CFAP97D2: variants seen among roughly 807,000 people sequenced by gnomAD.
CFAP97D2 encodes the protein CFAP97 domain containing 2.
At chr13:114,199,399 C>T (rs1594517322) in intron 2 of CFAP97D2, among the ~76,000 whole-genome samples, 1 of 66,190 alleles carries the variant, frequency 1.5e-5, no homozygotes, top group East Asian at 3.4e-4. Context: ...CCCGTGGGTA[C>T]GGTCCCCGCC....
At chr13:114,195,488 A>G (rs1025995616) in intron 1 of CFAP97D2, among the ~76,000 whole-genome samples, 1 of 152,124 alleles carries the variant, frequency 6.6e-6, no homozygotes, top group Non-Finnish European at 1.5e-5. Context: ...GAGTTTCCCA[A>G]TGCTGTCGCC....
chr13:114,218,406 G>T (rs113108402), intron 4 of CFAP97D2, among the ~76,000 whole-genome samples: 9,931 of 152,224 alleles, frequency 0.065, 553 homozygotes, highest in African/African-American at 0.13. Context: ...AACATTCCAC[G>T]CTCATGGATA....
rs989918304 is a variant in CFAP97D2 at position 114,185,836 on chromosome 13, C to T, written c.90+6416C>T. ...GCAGAGGACAGCACAGTGCTGGCTG[C>T]GTGCCTCTTGGCATGAACAGCCTGC... On this transcript the variant is annotated intron_variant, in intron 1 of 4. Coordinates refer to ENST00000646158, the Ensembl canonical transcript of CFAP97D2. This position sits in a 1 kb window ranked among gnomAD's most constrained non-coding sequence, Gnocchi z 5.2. Among the ~76,000 whole-genome samples the T allele has an allele frequency of 5.3e-5, 8 of 152,200 alleles. No homozygotes were observed. Among genetic ancestry groups the T allele is most frequent in the South Asian group, 2.1e-4 (1 of 4,834 alleles).
chr13:114,209,479 A>G (rs2080956955), intron 3 of CFAP97D2, among the ~76,000 whole-genome samples: 1 of 152,220 alleles, frequency 6.6e-6, no homozygotes, highest in African/African-American at 2.4e-5. Context: ...CTGGTATGTG[A>G]AAAGAAATCT....
rs2080883879 is a variant in CFAP97D2, at chr13:114,195,753, G to C, written c.91-643G>C. Among the ~76,000 whole-genome samples, 6 of 152,280 alleles carry C rather than the reference G, an allele frequency of 3.9e-5. No homozygotes were observed. In the South Asian group the frequency reaches 1.2e-3, roughly 32 times the overall value. On this transcript the variant is annotated intron_variant, in intron 1 of 4. Coordinates refer to ENST00000646158, the Ensembl canonical transcript of CFAP97D2. ...GCTTGGAAATTAAAGTGAGGTGGAT[G>C]CAGGGACATAACTCACTGTATAAAA...
intron 4 of CFAP97D2, among the ~76,000 whole-genome samples, chr13:114,219,925 G>A (rs1224705723): frequency 6.6e-6 from 1 of 151,918 alleles, no homozygotes; most frequent in African/African-American, 2.4e-5. Context: ...CCCCTTCTCT[G>A]CCATGGGGTC....
At chr13:114,204,572 A>G (rs948897150) in intron 3 of CFAP97D2, among the ~76,000 whole-genome samples, 7 of 152,236 alleles carry the variant, frequency 4.6e-5, no homozygotes, top group Non-Finnish European at 8.8e-5. Context: ...GGCCAAGACC[A>G]TTCAGTGAGG....
intron 2 of CFAP97D2, among the ~76,000 whole-genome samples, chr13:114,196,913 A>AG (rs1298138859): frequency 6.6e-6 from 1 of 152,234 alleles, no homozygotes; most frequent in African/African-American, 2.4e-5. Flanking sequence ...GAGTGGGAGC[A>AG]GGGGTACTTC....
intron 1 of CFAP97D2, among the ~76,000 whole-genome samples, chr13:114,181,231 G>T (rs1179877649): frequency 1.3e-5 from 2 of 152,222 alleles, no homozygotes; most frequent in Non-Finnish European, 2.9e-5. Flanking sequence ...AGGAACTGCT[G>T]TTGGGCACAG....
intron 1 of CFAP97D2, among the ~76,000 whole-genome samples, chr13:114,193,158 C>T (rs1040708577): frequency 2.6e-5 from 4 of 151,624 alleles, no homozygotes; most frequent in Non-Finnish European, 4.4e-5. Context: ...AAATATTTTA[C>T]AATAGATATT....
rs2080855718 is a variant in CFAP97D2 at position 114,187,318 on chromosome 13, T to C, written c.90+7898T>C. 6.6e-6 allele frequency among the ~76,000 whole-genome samples: 1 copy of C among 151,526 alleles called. No homozygotes were observed. The highest frequency in any genetic ancestry group is 2.4e-5 in the African/African-American group (1 of 41,174). On this transcript the variant is annotated intron_variant, in intron 1 of 4. Transcript: ENST00000646158. The surrounding 1 kb of genome is among the most constrained non-coding windows in gnomAD (Gnocchi z 4.2). ...TAGTAACAAATATGATAGCTATTTA[T>C]CCAACTATATTAATCACTTTGTAAG...
chr13:114,194,256 G>T (rs1256750314), intron 1 of CFAP97D2, among the ~76,000 whole-genome samples: 1 of 152,062 alleles, frequency 6.6e-6, no homozygotes, highest in East Asian at 1.9e-4. Context: ...GCAAAAATTT[G>T]TACCTGCCAA....
At chr13:114,197,873 T>C (rs764288226) in intron 2 of CFAP97D2, among the ~76,000 whole-genome samples, 2 of 152,156 alleles carry the variant, frequency 1.3e-5, no homozygotes, top group Non-Finnish European at 2.9e-5. Flanking sequence ...TTAGTAGTGA[T>C]GGGGTTTCAC....
chr13:114,216,347 T>C (rs1355943499), intron 4 of CFAP97D2, among the ~76,000 whole-genome samples: 1 of 152,180 alleles, frequency 6.6e-6, no homozygotes, highest in Non-Finnish European at 1.5e-5. Context: ...ATGTGCAGGT[T>C]TGTTACATAT....
At chr13:114,199,212 G>A (rs1347968980) in intron 2 of CFAP97D2, among the ~76,000 whole-genome samples, 1 of 25,304 alleles carries the variant, frequency 4.0e-5, no homozygotes, top group Non-Finnish European at 5.9e-5. Flanking sequence ...TACGGTCCCC[G>A]CCGAGGCGTG....
rs77945628 is a variant in CFAP97D2, at chr13:114,221,886, C to T, written c.481-612C>T. On this transcript the variant is annotated intron_variant, in intron 4 of 4. Coordinates refer to ENST00000646158, the Ensembl canonical transcript of CFAP97D2. ...TATATTCGAGAGACTTGAAAACATA[C>T]ATTCATGCAAAAACCCATACACTGA... 8.3e-3 allele frequency among the ~76,000 whole-genome samples: 1,260 copies of T among 152,304 alleles called. 46 individuals are homozygous for T. The highest frequency in any genetic ancestry group is 0.059 in the Admixed American group (901 of 15,296).
intron 4 of CFAP97D2, among the ~76,000 whole-genome samples, chr13:114,220,033 A>G (rs893341683): frequency 2.0e-5 from 3 of 152,138 alleles, no homozygotes; most frequent in Admixed American, 1.3e-4. Context: ...ACGAGGGAGC[A>G]CGGCACACAC....
chr13:114,179,822 G>T lies in CFAP97D2; in HGVS notation c.90+402G>T, dbSNP rs2138743081. Among the ~76,000 whole-genome samples, 1 of 151,794 alleles carries T rather than the reference G, an allele frequency of 6.6e-6. No individual in the cohort carries two copies. Among genetic ancestry groups the T allele is most frequent in the African/African-American group, 2.4e-5 (1 of 41,404 alleles). On this transcript the variant is annotated intron_variant, in intron 1 of 4. Transcript: ENST00000646158. This position sits in a 1 kb window ranked among gnomAD's most constrained non-coding sequence, Gnocchi z 4.8. Reference sequence around the variant, plus strand: ...TTTGTTTTTGTTTTTGTTTGTTTTTGAGAGGGATGTTGCCATAGGGGTGTT... The same window carrying T: ...TTTGTTTTTGTTTTTGTTTGTTTTTTAGAGGGATGTTGCCATAGGGGTGTT...
At position 114,186,024 on chromosome 13, in the gene CFAP97D2, C is replaced by G. The variant is rs1594513693; in HGVS notation, c.90+6604C>G. Among the ~76,000 whole-genome samples, 2 of 152,210 alleles carry G rather than the reference C, an allele frequency of 1.3e-5. No homozygotes were observed. The highest frequency in any genetic ancestry group is 1.9e-4 in the East Asian group (1 of 5,204). On this transcript the variant is annotated intron_variant, in intron 1 of 4. Transcript: ENST00000646158. This position sits in a 1 kb window ranked among gnomAD's most constrained non-coding sequence, Gnocchi z 4.3. ...TTGTGGTGCTTTTCCCTGGGTCTGC[C>G]CATGGCCACCCATGGACCAATCAGC...
Sources: allele counts gnomAD v4.1 joint callset (sites outside exome capture counted in the v4.1 genomes callset), GRCh38; gene constraint gnomAD v4.1.1; non-coding constraint Gnocchi (gnomAD v3.1); transcripts MANE v1.5; gene names NCBI Gene and HGNC (gene_info 2026-07-23, HGNC 2026-07-21).